NCAM2: variants seen among roughly 807,000 people sequenced by gnomAD.
NCAM2 encodes the protein N-CAM-2.
In NCAM2, 30 loss-of-function variants were observed where a neutral mutation model predicts 98.1. The ratio of observed to expected loss-of-function variants is 0.31; its 90% CI spans 0.23 to 0.41. NCAM2 has a LOEUF of 0.41. Ranked by LOEUF, NCAM2 falls within the 10% of genes least tolerant of loss-of-function variation. The pLI, the probability that NCAM2 is intolerant of heterozygous loss-of-function variation, is 1.00. For missense variants in NCAM2, 867 were observed against 1,005.8 expected (o/e 0.86, Z 1.87); for synonymous variants, 368 against 342.4 (o/e 1.07, Z -0.83).
chr21:21,200,103 A>T (rs184913803), intron 1 of NCAM2, among the ~76,000 whole-genome samples: 261 of 152,246 alleles, frequency 1.7e-3, no homozygotes, highest in South Asian at 3.7e-3. Context: ...GAGGCAGCCC[A>T]AAAGAGAAAG....
chr21:21,478,361 G>A (rs1767294602), intron 15 of NCAM2, among the ~76,000 whole-genome samples: 1 of 151,728 alleles, frequency 6.6e-6, no homozygotes, highest in African/African-American at 2.4e-5. Context: ...ATGAAACCAA[G>A]ATTTATTTGT....
At chr21:21,480,860 C>T (rs1049579911) in intron 15 of NCAM2, among the ~76,000 whole-genome samples, 25 of 152,284 alleles carry the variant, frequency 1.6e-4, no homozygotes, top group African/African-American at 5.8e-4. Context: ...CTTGCTTGGG[C>T]AACTAGAACA....
chr21:21,199,305 A>G (rs76121548), intron 1 of NCAM2, among the ~76,000 whole-genome samples: 2,230 of 152,276 alleles, frequency 0.015, 49 homozygotes, highest in African/African-American at 0.051. Context: ...AGATTTTGAA[A>G]TGCCTGGTGC....
At chr21:21,016,392 C>A (rs80212053) in intron 1 of NCAM2, among the ~76,000 whole-genome samples, 2,334 of 151,844 alleles carry the variant, frequency 0.015, 62 homozygotes, top group African/African-American at 0.054. Context: ...TTATGCGCTT[C>A]GTATGTGTGA....
At chr21:21,379,691 G>A (rs1005989524) in intron 9 of NCAM2, among the ~76,000 whole-genome samples, 1 of 151,822 alleles carries the variant, frequency 6.6e-6, no homozygotes, top group African/African-American at 2.4e-5. Flanking sequence ...GTGAATAGAC[G>A]ATTTTACTTG....
At chr21:21,530,196 T>A (rs1218675605) in intron 16 of NCAM2, among the ~76,000 whole-genome samples, 3 of 81,868 alleles carry the variant, frequency 3.7e-5, no homozygotes, top group Non-Finnish European at 8.2e-5. Flanking sequence ...TAATTTAATT[T>A]AATTATATAT....
At chr21:21,465,685 A>G (rs1301104885) in intron 12 of NCAM2, among the ~76,000 whole-genome samples, 1 of 151,980 alleles carries the variant, frequency 6.6e-6, no homozygotes, top group Non-Finnish European at 1.5e-5. Flanking sequence ...AATCTTTTAT[A>G]TCTCCTAATA....
At chr21:21,076,160 A>C (rs986117074) in intron 1 of NCAM2, among the ~76,000 whole-genome samples, 12 of 152,034 alleles carry the variant, frequency 7.9e-5, no homozygotes, top group African/African-American at 2.9e-4. Flanking sequence ...AGCATTTTCA[A>C]AAGTTCAATA....
intron 16 of NCAM2, among the ~76,000 whole-genome samples, chr21:21,517,372 TATTAAC>T (rs764415054): frequency 1.4e-4 from 21 of 152,346 alleles, no homozygotes; most frequent in East Asian, 1.9e-4. Context: ...CATTGGCTCA[TATTAAC>T]ATTAACATTC....
intron 1 of NCAM2, among the ~76,000 whole-genome samples, chr21:21,265,494 A>G (rs571034197): frequency 1.4e-5 from 2 of 142,644 alleles, no homozygotes; most frequent in African/African-American, 5.2e-5. Context: ...ATACACATAT[A>G]TAATATATGT....
intron 1 of NCAM2, among the ~76,000 whole-genome samples, chr21:21,161,855 A>C (rs8134612): frequency 0.46 from 69,074 of 151,746 alleles, 16,341 homozygotes; most frequent in South Asian, 0.59. Flanking sequence ...ATGAGCAGAG[A>C]TGTTGCAGTA....
chr21:21,315,757 TTGTC>T (rs1461754282), intron 5 of NCAM2, among the ~76,000 whole-genome samples: 2 of 152,184 alleles, frequency 1.3e-5, no homozygotes, highest in Non-Finnish European at 2.9e-5. Context: ...ATCTCACAGT[TTGTC>T]TGGTGATATT....
intron 1 of NCAM2, among the ~76,000 whole-genome samples, chr21:21,237,113 G>A (rs2070863108): frequency 6.6e-6 from 1 of 152,018 alleles, no homozygotes; most frequent in Non-Finnish European, 1.5e-5. Context: ...ATTTCTGGAG[G>A]CACATGGTTG....
At chr21:21,043,242 C>T (rs1424212611) in intron 1 of NCAM2, among the ~76,000 whole-genome samples, 2 of 152,010 alleles carry the variant, frequency 1.3e-5, no homozygotes, top group Non-Finnish European at 2.9e-5. Context: ...GGAAATTTAA[C>T]TCAGTGGCTA....
At chr21:21,018,616 A>G (rs1203399244) in intron 1 of NCAM2, among the ~76,000 whole-genome samples, 1 of 152,246 alleles carries the variant, frequency 6.6e-6, no homozygotes, top group Non-Finnish European at 1.5e-5. Flanking sequence ...GAGAATTACT[A>G]AATAGATTAT....
intron 12 of NCAM2, 61 bp downstream of exon 12, chr21:21,432,342 G>T: frequency 1.3e-6 from 2 of 1,494,280 alleles, no homozygotes; most frequent in Non-Finnish European, 9.1e-7. Flanking sequence ...ATACCTGTAT[G>T]ATTGGCTTTT....
intron 12 of NCAM2, among the ~76,000 whole-genome samples, chr21:21,453,810 G>T (rs1259208205): frequency 6.6e-6 from 1 of 151,994 alleles, no homozygotes; most frequent in Admixed American, 6.6e-5. Flanking sequence ...TCAAAATATT[G>T]AAATTTAGTT....
chr21:21,508,732 T>C, intron 15 of NCAM2, 119 bp from the exon 16 acceptor site: 1 of 799,746 alleles, frequency 1.3e-6, no homozygotes, highest in Non-Finnish European at 1.8e-6. Context: ...GTCTCTTAAA[T>C]TGAATTATTG....
chr21:21,030,643 C>T (rs2064661236), intron 1 of NCAM2, among the ~76,000 whole-genome samples: 1 of 152,138 alleles, frequency 6.6e-6, no homozygotes. Context: ...AGTCATTCTG[C>T]CTATCACGAT....
Sources: allele counts gnomAD v4.1 joint callset (sites outside exome capture counted in the v4.1 genomes callset), GRCh38; gene constraint gnomAD v4.1.1; transcripts MANE v1.5; gene names NCBI Gene and HGNC (gene_info 2026-07-23, HGNC 2026-07-21).